The following CDK19 variants were observed in gnomAD, a reference collection of about 807,000 sequenced individuals.
CDK19 encodes the protein cyclin dependent kinase 19.
CDK19 carries 20 observed loss-of-function variants against 68.3 expected under a neutral mutation model. That is an observed-to-expected ratio of 0.29 (90% CI 0.21 to 0.43). The LOEUF (loss-of-function observed/expected upper bound fraction) is 0.43, where lower values mean the gene tolerates loss of function less well. CDK19 is among the 20% of genes least tolerant of loss of function. The pLI is 1.00. For missense variants in CDK19, 339 were observed against 623.5 expected (o/e 0.54, Z 4.86); for synonymous variants, 221 against 222.8 (o/e 0.99, Z 0.07).
chr6:110,692,289 T>A (rs1216564899), intron 2 of CDK19, among the ~76,000 whole-genome samples: 2 of 145,094 alleles, frequency 1.4e-5, no homozygotes, highest in East Asian at 2.0e-4. Flanking sequence ...TGAGACTCCG[T>A]CTCAAAAAAA....
rs144116253 is a variant in CDK19, at chr6:110,631,916, A to G, written c.646+114T>C. On this transcript the variant is annotated intron_variant, in intron 6 of 12. Transcript: ENST00000368911. ...GAAATCTAGGAATACAGAAGACAAT[A>G]GGACTTTTACAAAAATGTATAAAAT... 4.3e-4 allele frequency: 387 copies of G among 901,688 alleles called. 6 individuals carry two copies. The highest frequency in any genetic ancestry group is 3.6e-3 in the East Asian group (144 of 39,548). The allele number at this position is 901,688 out of a possible 1,614,324, so 55.9% of individuals were successfully genotyped here.
intron 1 of CDK19, among the ~76,000 whole-genome samples, chr6:110,784,447 C>T (rs1177848114): frequency 2.6e-5 from 4 of 152,064 alleles, no homozygotes; most frequent in African/African-American, 9.7e-5. Flanking sequence ...CACTTCACAC[C>T]CACAAGGATG....
At chr6:110,637,722 G>A (rs1397182992) in intron 5 of CDK19, among the ~76,000 whole-genome samples, 4 of 152,232 alleles carry the variant, frequency 2.6e-5, no homozygotes, top group African/African-American at 4.8e-5. Context: ...GCTCATGCCT[G>A]TAATCCCAGC....
chr6:110,666,424 CAAAAAAAAAAAAAA>C (rs57791161), intron 4 of CDK19, among the ~76,000 whole-genome samples: 16 of 47,926 alleles, frequency 3.3e-4, no homozygotes, highest in South Asian at 1.2e-3. Context: ...GACTCTGTCT[CAAAAAAAAAAAAAA>C]AAAAAAAAAA....
intron 4 of CDK19, chr6:110,646,143 G>A (rs1325150272): frequency 1.1e-5 from 10 of 944,622 alleles, no homozygotes; most frequent in South Asian, 1.5e-5. Flanking sequence ...TAACACCTTC[G>A]GCATGGAGAG....
intron 4 of CDK19, among the ~76,000 whole-genome samples, chr6:110,644,678 G>A (rs1171725039): frequency 2.6e-5 from 4 of 151,874 alleles, no homozygotes; most frequent in African/African-American, 4.8e-5. Context: ...CTGGAACCTC[G>A]GCACACTTCT....
intron 1 of CDK19, among the ~76,000 whole-genome samples, chr6:110,806,070 TG>T (rs1782661466): frequency 6.6e-6 from 1 of 152,076 alleles, no homozygotes; most frequent in African/African-American, 2.4e-5. Flanking sequence ...CTGGGTGCAG[TG>T]GCTGACGCTT....
At chr6:110,812,124 C>CTT (rs72281030) in intron 1 of CDK19, among the ~76,000 whole-genome samples, 1 of 145,392 alleles carries the variant, frequency 6.9e-6, no homozygotes, top group Non-Finnish European at 1.5e-5. Context: ...GAACAAATAA[C>CTT]TTTTTTTTTT....
Position 110,621,419 on chromosome 6 carries a change from G to T in CDK19, c.1111-49C>A. On this transcript the variant is annotated intron_variant, in intron 11 of 12. Coordinates refer to ENST00000368911, the MANE Select transcript of CDK19 (RefSeq NM_015076.5). The surrounding 1 kb of genome is among the most constrained non-coding windows in gnomAD (Gnocchi z 5.4). ...TTGGTATGAAACCAAATTAACAGGA[G>T]CTTTCTTTAATTATTTGATATGCAC... 2.0e-6 allele frequency: 3 copies of T among 1,511,714 alleles called. No individual in the cohort carries two copies. Among genetic ancestry groups the T allele is most frequent in the South Asian group, 2.7e-5 (2 of 74,738 alleles). The allele number at this position is 1,511,714 out of a possible 1,614,324, so 93.6% of individuals were successfully genotyped here.
intron 2 of CDK19, among the ~76,000 whole-genome samples, chr6:110,740,849 A>G (rs1777606200): frequency 6.6e-6 from 1 of 152,134 alleles, no homozygotes; most frequent in South Asian, 2.1e-4. Flanking sequence ...ATTCTCCCCA[A>G]TCTATCAGTC....
At chr6:110,703,000 A>G (rs1774138616) in intron 2 of CDK19, among the ~76,000 whole-genome samples, 1 of 152,194 alleles carries the variant, frequency 6.6e-6, no homozygotes, top group African/African-American at 2.4e-5. Flanking sequence ...TAACTGGTGA[A>G]TCAAATTTGG....
In CDK19 at chr6:110,683,701, C is replaced by CTTT. The variant is rs200335188; in HGVS notation, c.205-13163_205-13161dup. 1.0e-3 allele frequency among the ~76,000 whole-genome samples: 130 copies of CTTT among 127,380 alleles called. 1 individual carries two copies. The highest frequency in any genetic ancestry group is 3.5e-3 in the African/African-American group (123 of 34,724). 83.6% of individuals were successfully genotyped at this position (127,380 alleles called of 152,430 possible). A position where few individuals can be genotyped will look rare whatever the true frequency, so the allele number is the denominator to read the frequency against. ...TTCTTTTTTAGTATAAGTATTTAAT[C>CTTT]TTTTTTTTTTTTTTTTTTGGAGACA... On this transcript the variant is annotated intron_variant, in intron 2 of 12. Transcript: ENST00000368911.
chr6:110,657,505 C>A lies in CDK19; in HGVS notation c.456+9929G>T, dbSNP rs558373190. 1.4e-4 allele frequency among the ~76,000 whole-genome samples: 21 copies of A among 152,214 alleles called. 1 individual carries two copies. In the East Asian group the frequency reaches 2.1e-3, roughly 15 times the overall value. On this transcript the variant is annotated intron_variant, in intron 4 of 12. Coordinates refer to ENST00000368911, the MANE Select transcript of CDK19 (RefSeq NM_015076.5). ...TCAATTTGTAATTAAAATGGGTATA[C>A]CTTACTGTATATAAATTCCACCTCA...
intron 1 of CDK19, among the ~76,000 whole-genome samples, chr6:110,761,799 C>T (rs1275456513): frequency 6.6e-6 from 1 of 152,140 alleles, no homozygotes; most frequent in Non-Finnish European, 1.5e-5. Context: ...ATACTAAGTT[C>T]ATTGAAAGCA....
intron 1 of CDK19, among the ~76,000 whole-genome samples, chr6:110,770,299 A>T (rs1779919600): frequency 6.6e-6 from 1 of 152,136 alleles, no homozygotes; most frequent in Non-Finnish European, 1.5e-5. Flanking sequence ...GAAGAAAAAG[A>T]GGTTTAATTG....
At chr6:110,650,708 A>G (rs180692539) in intron 4 of CDK19, among the ~76,000 whole-genome samples, 5 of 152,306 alleles carry the variant, frequency 3.3e-5, no homozygotes, top group African/African-American at 1.2e-4. Flanking sequence ...TGGAAGGCCC[A>G]AAGCAAAACG....
chr6:110,627,354 G>GTATA (rs141776550), intron 6 of CDK19, among the ~76,000 whole-genome samples: 2,922 of 151,350 alleles, frequency 0.019, 98 homozygotes, highest in African/African-American at 0.067. Flanking sequence ...GTGTGTATGT[G>GTATA]TATATATATA....
chr6:110,619,873 C>G (rs1778599231), intron 12 of CDK19, among the ~76,000 whole-genome samples: 1 of 152,082 alleles, frequency 6.6e-6, no homozygotes, highest in African/African-American at 2.4e-5. Context: ...TAAAGTCTGC[C>G]TTACCAACTT....
At chr6:110,748,863 A>G (rs1778258157) in intron 1 of CDK19, among the ~76,000 whole-genome samples, 1 of 152,278 alleles carries the variant, frequency 6.6e-6, no homozygotes. Context: ...AATATTAAAT[A>G]TCATAAAAGA....
Sources: gnomAD v4.1 joint callset for allele counts (sites outside exome capture counted in the v4.1 genomes callset) on GRCh38, gnomAD v4.1.1 for gene constraint, Gnocchi (gnomAD v3.1) non-coding constraint, MANE v1.5 for transcripts, NCBI Gene and HGNC (gene_info 2026-07-23, HGNC 2026-07-21) for gene names.